C1QBP: variants seen among roughly 807,000 people sequenced by gnomAD.
C1QBP encodes complement component 1 Q subcomponent-binding protein, mitochondrial.
Under a neutral mutation model 29.4 loss-of-function variants are expected in C1QBP, and 24 were observed. That is an observed-to-expected ratio of 0.82 (90% CI 0.59 to 1.15). The LOEUF (loss-of-function observed/expected upper bound fraction) is 1.15, where lower values mean the gene tolerates loss of function less well. Among genes scored for constraint, C1QBP ranks in the 50% most tolerant of loss-of-function variants. The probability of loss-of-function intolerance (pLI) is 0.00; values close to 1 mark genes in which losing one functional copy is unlikely to be tolerated. For missense variants in C1QBP, 337 were observed against 355.8 expected (o/e 0.95, Z 0.43); for synonymous variants, 182 against 149.2 (o/e 1.22, Z -1.60).
chr17:5,438,194 C>T lies in C1QBP; in HGVS notation c.312G>A (p.Lys104=), dbSNP rs760177586. 2 of 1,613,906 alleles carry T rather than the reference C, an allele frequency of 1.2e-6. No individual in the cohort carries two copies. Among genetic ancestry groups the T allele is most frequent in the Non-Finnish European group, 1.7e-6 (2 of 1,180,044 alleles). ...GTTCCAGCTCCCAACCTCCAGACAT[C>T]TTAGGGAGGGTTTTATGCTTCTGAA... The part of the protein sequence containing the change: ...RKIQKHKTLP[K]MSGGWELELN... Residue 104 remains lysine (K), a synonymous_variant, in exon 2 of 6, where the codon AAG becomes AAA. Coordinates refer to ENST00000225698, the MANE Select transcript of C1QBP (RefSeq NM_001212.4).
intron 3 of C1QBP, 118 bp downstream of exon 3, chr17:5,434,755 G>A (rs1285430126): frequency 3.6e-6 from 3 of 841,052 alleles, no homozygotes; most frequent in African/African-American, 3.4e-5. Context: ...CGTGAGCCAT[G>A]CGACTGGACT....
intron 2 of C1QBP, among the ~76,000 whole-genome samples, chr17:5,437,459 C>T (rs892317459): frequency 3.9e-5 from 6 of 152,208 alleles, no homozygotes; most frequent in Non-Finnish European, 7.3e-5. Flanking sequence ...GCCTCAGCCT[C>T]CCGAGTAGCT....
chr17:5,437,255 T>C (rs867926299), intron 2 of C1QBP, among the ~76,000 whole-genome samples: 1 of 152,236 alleles, frequency 6.6e-6, no homozygotes, highest in Non-Finnish European at 1.5e-5. Context: ...GTAAATCGTA[T>C]GCCATCTCAA....
Position 5,432,800 on chromosome 17 carries a change from T to C in C1QBP, c.*215A>G. The C allele has an allele frequency of 1.3e-6, 1 of 799,642 alleles. No homozygotes were observed. Among genetic ancestry groups the C allele is most frequent in the East Asian group, 2.8e-5 (1 of 36,322 alleles). The allele number at this position is 799,642 out of a possible 1,614,324, so 49.5% of individuals were successfully genotyped here. A position where few individuals can be genotyped will look rare whatever the true frequency, so the allele number is the denominator to read the frequency against. On this transcript the variant is annotated 3_prime_UTR_variant, in exon 6 of 6. Transcript: ENST00000225698. The stretch of plus-strand genomic sequence containing the variant: ...CCTTGGAGGAGATAAACCAATTTTA[T>C]GTCTATCATGTTATACAAAAATCTA...
chr17:5,434,791 A>C, intron 3 of C1QBP, 82 bp downstream of exon 3: 2 of 1,297,016 alleles, frequency 1.5e-6, no homozygotes, highest in Non-Finnish European at 1.1e-6. Flanking sequence ...TTTTTGAAAG[A>C]CCAAAGAAAA....
At chr17:5,437,930 C>T (rs1916318806) in intron 2 of C1QBP, among the ~76,000 whole-genome samples, 193 bp downstream of exon 2, 1 of 152,204 alleles carries the variant, frequency 6.6e-6, no homozygotes, top group Non-Finnish European at 1.5e-5. Flanking sequence ...TAGTAACCAG[C>T]CCACAGCAAA....
intron 2 of C1QBP, among the ~76,000 whole-genome samples, chr17:5,435,874 C>CA (rs200057698): frequency 0.018 from 1,849 of 105,624 alleles, 22 homozygotes; most frequent in Non-Finnish European, 0.026. Flanking sequence ...CTAAAAAATA[C>CA]AAAAAAAAAA....
At chr17:5,433,265 A>C in intron 5 of C1QBP, 28 bp downstream of exon 5, 1 of 1,613,820 alleles carries the variant, frequency 6.2e-7, no homozygotes, top group Non-Finnish European at 8.5e-7. Context: ...AAGGCCCAAA[A>C]GGTTCCCCCA....
chr17:5,433,000 C>T lies in C1QBP; in HGVS notation c.*15G>A. 1.2e-6 allele frequency: 2 copies of T among 1,602,904 alleles called. No homozygotes were observed. Among genetic ancestry groups the T allele is most frequent in the Non-Finnish European group, 8.5e-7 (1 of 1,175,936 alleles). On this transcript the variant is annotated 3_prime_UTR_variant, in exon 6 of 6. Transcript: ENST00000225698. ...AAGCCTGCCATGAAACTATGGCTTT[C>T]AGCATCTGTCTGCTCTACTGGCTCT...
chr17:5,432,842 A>T lies in C1QBP; in HGVS notation c.*173T>A. 1 of 941,420 alleles carries T rather than the reference A, an allele frequency of 1.1e-6. No homozygotes were observed. The highest frequency in any genetic ancestry group is 1.5e-6 in the Non-Finnish European group (1 of 662,514). The allele number at this position is 941,420 out of a possible 1,614,324, so 58.3% of individuals were successfully genotyped here. ...AAAAATCTAGAAATAATAGATTTGT[A>T]CAGAAAAAAATGATAATAAATGAGA... On this transcript the variant is annotated 3_prime_UTR_variant, in exon 6 of 6. Coordinates refer to ENST00000225698, the MANE Select transcript of C1QBP (RefSeq NM_001212.4).
chr17:5,435,894 AAAT>A (rs1916257690), intron 2 of C1QBP, among the ~76,000 whole-genome samples: 5 of 131,550 alleles, frequency 3.8e-5, no homozygotes, highest in African/African-American at 1.4e-4. Context: ...AAAAAAAAAA[AAAT>A]TAGCTGGGCG....
chr17:5,435,882 A>T (rs1391709864), intron 2 of C1QBP, among the ~76,000 whole-genome samples: 1 of 147,172 alleles, frequency 6.8e-6, no homozygotes, highest in African/African-American at 2.6e-5. Flanking sequence ...TACAAAAAAA[A>T]AAAAAAAAAA....
At chr17:5,433,202 G>A in intron 5 of C1QBP, 38 bp from the exon 6 acceptor site, 3 of 1,609,158 alleles carry the variant, frequency 1.9e-6, no homozygotes, top group Non-Finnish European at 2.5e-6. Context: ...AAAAAAATCT[G>A]TAATGAACAT....
intron 3 of C1QBP, 147 bp from the exon 4 acceptor site, chr17:5,433,914 G>C (rs1916184098): frequency 7.0e-6 from 5 of 710,516 alleles, no homozygotes; most frequent in Non-Finnish European, 9.7e-6. Context: ...ATTCCCAAAT[G>C]AAGAGCTTGA....
chr17:5,434,785 T>G (rs199743959), intron 3 of C1QBP, 88 bp downstream of exon 3: 1 of 1,239,506 alleles, frequency 8.1e-7, no homozygotes, highest in Non-Finnish European at 1.1e-6. Flanking sequence ...TTTTTTTTTT[T>G]GAAAGACCAA....
chr17:5,435,072 T>C lies in C1QBP; in HGVS notation c.384-106A>G, dbSNP rs1916234984. ...AATCTGCTACAGTTAAAAAGGCGTATTGAAACAATGTCTCTGTCCTAGCTG... is the reference window on the plus strand; with the variant it reads ...AATCTGCTACAGTTAAAAAGGCGTACTGAAACAATGTCTCTGTCCTAGCTG... On this transcript the variant is annotated intron_variant, in intron 2 of 5. Transcript: ENST00000225698. The C allele has an allele frequency of 7.1e-6, 7 of 989,656 alleles. 1 individual carries two copies. Among genetic ancestry groups the C allele is most frequent in the South Asian group, 4.0e-5 (3 of 75,732 alleles). 61.3% of individuals were successfully genotyped at this position (989,656 alleles called of 1,614,324 possible).
chr17:5,433,620 C>T lies in C1QBP; in HGVS notation c.576+49G>A, dbSNP rs201124320. The T allele has an allele frequency of 3.6e-5, 57 of 1,579,346 alleles. No individual in the cohort carries two copies. In the Admixed American group the frequency reaches 9.5e-4, roughly 26 times the overall value. ...ATAGGGACAGGAAGTTCCCAAGGGA[C>T]ACACTGTTCCCCAGGGGTGCCAAGA... On this transcript the variant is annotated intron_variant, in intron 4 of 5. Coordinates refer to ENST00000225698, the MANE Select transcript of C1QBP (RefSeq NM_001212.4).
At position 5,433,081 on chromosome 17, in the gene C1QBP, T is replaced by G; in HGVS notation, c.783A>C (p.Thr261=). Residue 261 remains threonine, a synonymous_variant, in exon 6 of 6, where the codon ACA becomes ACC. Transcript: ENST00000225698. The stretch of plus-strand genomic sequence containing the variant: ...TAATGTACTCCTGGTGCTCCAGGGC[T>G]GTGCTGAGCTCCACCAGCTCATCTG... The part of the protein sequence containing the change: ...TFADELVELS[T]ALEHQEYITF... 2 of 1,614,182 alleles carry G rather than the reference T, an allele frequency of 1.2e-6. No individual in the cohort carries two copies. The highest frequency in any genetic ancestry group is 1.7e-6 in the Non-Finnish European group (2 of 1,180,030).
chr17:5,434,818 C>T (rs904877833), intron 3 of C1QBP, 55 bp downstream of exon 3: 12 of 1,517,526 alleles, frequency 7.9e-6, no homozygotes, highest in Non-Finnish European at 1.0e-5. Flanking sequence ...CTCCTCTAAG[C>T]CCCAGGCACA....
Sources: gnomAD v4.1 joint callset for allele counts (sites outside exome capture counted in the v4.1 genomes callset) on GRCh38, gnomAD v4.1.1 for gene constraint, MANE v1.5 for transcripts, NCBI Gene and HGNC (gene_info 2026-07-23, HGNC 2026-07-21) for gene names.